Variants in DYNC2I1 observed in about 807,000 individuals in gnomAD.
DYNC2I1 encodes dynein 2 intermediate chain 1.
DYNC2I1 carries 89 observed loss-of-function variants against 133.4 expected under a neutral mutation model. The observed-to-expected ratio is 0.67, with a 90% CI of 0.56 to 0.80. DYNC2I1 has a LOEUF of 0.80. Among genes scored for constraint, DYNC2I1 ranks in the 30% least tolerant of loss-of-function variants. The pLI, the probability that DYNC2I1 is intolerant of heterozygous loss-of-function variation, is 0.00. For missense variants in DYNC2I1, 1,291 were observed against 1,314.5 expected, an observed-to-expected ratio of 0.98 and a Z score of 0.28; for synonymous variants, 504 against 484.3, an observed-to-expected ratio of 1.04 and a Z score of -0.54.
At chr7:158,936,436 C>G (rs1850761972) in intron 23 of DYNC2I1, among the ~76,000 whole-genome samples, 1 of 152,182 alleles carries the variant, frequency 6.6e-6, no homozygotes, top group South Asian at 2.1e-4. Flanking sequence ...AATGTCCCTT[C>G]CCCCTTATTT....
intron 1 of DYNC2I1, among the ~76,000 whole-genome samples, chr7:158,858,523 T>A (rs1340990061): frequency 6.6e-6 from 1 of 152,228 alleles, no homozygotes; most frequent in African/African-American, 2.4e-5. Flanking sequence ...CCCTGTTTTT[T>A]TAGTTTTGGC....
intron 8 of DYNC2I1, among the ~76,000 whole-genome samples, chr7:158,894,181 CGTAT>C (rs1845551813): frequency 5.3e-5 from 4 of 75,540 alleles, no homozygotes; most frequent in Admixed American, 4.1e-4. Context: ...TGTCACACTA[CGTAT>C]CATACTACAT....
At chr7:158,847,297 T>C in the DYNC2I1 span, among the ~76,000 whole-genome samples, 8 of 152,218 alleles carry the variant, frequency 5.3e-5, no homozygotes, top group Non-Finnish European at 1.2e-4. Context: ...CACAAGGATG[T>C]GGTTTTTGCT....
chr7:158,957,501 A>G (rs887698441), downstream of DYNC2I1, among the ~76,000 whole-genome samples: 3 of 152,258 alleles, frequency 2.0e-5, no homozygotes, highest in Admixed American at 6.5e-5. Context: ...GAAAGTGGGT[A>G]GCAGCTGGAG....
chr7:158,920,159 G>T (rs1848895785), intron 15 of DYNC2I1, among the ~76,000 whole-genome samples: 1 of 151,706 alleles, frequency 6.6e-6, no homozygotes, highest in African/African-American at 2.4e-5. Context: ...AACATGTGAA[G>T]TGTGTGTGTG....
downstream of DYNC2I1, among the ~76,000 whole-genome samples, chr7:158,956,938 G>T (rs1356163725): frequency 3.3e-5 from 5 of 152,170 alleles, no homozygotes; most frequent in Non-Finnish European, 7.3e-5. Context: ...CACGGGCAGG[G>T]CTCCCGTGAG....
chr7:158,934,288 G>A lies in DYNC2I1; in HGVS notation c.2646+60G>A, dbSNP rs1049071314. On this transcript the variant is annotated intron_variant, in intron 22 of 24. Coordinates refer to ENST00000407559, the MANE Select transcript of DYNC2I1 (RefSeq NM_018051.5). ...TTCTCCTTGTTTTCCTGACTTACCT[G>A]ATAAATATCTTGATTTAGGATTAAC... 3.9e-6 allele frequency: 6 copies of A among 1,552,002 alleles called. No homozygotes were observed. The African/African-American group carries it at 5.6e-5, about 14-fold the overall frequency.
chr7:158,923,890 CAG>C (rs1849352244), intron 17 of DYNC2I1, among the ~76,000 whole-genome samples, 157 bp downstream of exon 17: 1 of 152,158 alleles, frequency 6.6e-6, no homozygotes, highest in Admixed American at 6.5e-5. Flanking sequence ...ATACAAAAAA[CAG>C]AAATCAATTC....
At chr7:158,913,783 A>G (rs1047005154) in intron 13 of DYNC2I1, among the ~76,000 whole-genome samples, 1 of 152,144 alleles carries the variant, frequency 6.6e-6, no homozygotes. Context: ...ATCTCAGCTC[A>G]CTGTAACCTC....
intron 1 of DYNC2I1, among the ~76,000 whole-genome samples, chr7:158,863,626 TGGGGGG>T (rs1244331927): frequency 1.4e-4 from 3 of 21,612 alleles, no homozygotes; most frequent in Admixed American, 6.2e-4. Flanking sequence ...CGGGTGTGTT[TGGGGGG>T]GGCGGTGAGC....
chr7:158,957,726 C>T (rs967201557), downstream of DYNC2I1, among the ~76,000 whole-genome samples: 1 of 152,166 alleles, frequency 6.6e-6, no homozygotes, highest in African/African-American at 2.4e-5. Context: ...CGAGCCTCCC[C>T]GGGGAGCAAA....
chr7:158,931,092 C>T (rs183796722), intron 21 of DYNC2I1, among the ~76,000 whole-genome samples: 16 of 152,258 alleles, frequency 1.1e-4, no homozygotes, highest in African/African-American at 3.8e-4. Flanking sequence ...CTTCAGTTCT[C>T]ATGCAACCCT....
chr7:158,881,115 G>A (rs1843958125), intron 5 of DYNC2I1, among the ~76,000 whole-genome samples: 2 of 152,244 alleles, frequency 1.3e-5, no homozygotes, highest in Admixed American at 6.5e-5. Flanking sequence ...CCGAGAAGCA[G>A]TCGTGTTAGG....
chr7:158,880,437 T>A (rs1357615943), intron 5 of DYNC2I1, among the ~76,000 whole-genome samples: 1 of 151,996 alleles, frequency 6.6e-6, no homozygotes, highest in Non-Finnish European at 1.5e-5. Context: ...CCTGGGAGGC[T>A]GAGGTAGGAG....
chr7:158,853,808 C>T (rs896810349), upstream of DYNC2I1, among the ~76,000 whole-genome samples: 1 of 152,070 alleles, frequency 6.6e-6, no homozygotes, highest in Non-Finnish European at 1.5e-5. Context: ...CATGTACCAC[C>T]ACACCCAGCT....
At chr7:158,847,049 TAAAG>T in the DYNC2I1 span, among the ~76,000 whole-genome samples, 1 of 152,228 alleles carries the variant, frequency 6.6e-6, no homozygotes, top group Non-Finnish European at 1.5e-5. Context: ...TTAATTGACT[TAAAG>T]AAAAGTTAGT....
chr7:158,871,077 G>T, intron 2 of DYNC2I1, 65 bp from the exon 3 acceptor site: 2 of 1,517,408 alleles, frequency 1.3e-6, no homozygotes, highest in African/African-American at 2.8e-5. Flanking sequence ...TCACATTCAG[G>T]TATTAAAAGT....
chr7:158,916,229 C>T (rs372483972), intron 14 of DYNC2I1, among the ~76,000 whole-genome samples: 1 of 44,436 alleles, frequency 2.3e-5, no homozygotes, highest in Admixed American at 2.6e-4. Flanking sequence ...CGCTGGTTGA[C>T]ATTAAGGATG....
chr7:158,942,196 G>C lies in DYNC2I1; in HGVS notation c.3002+48G>C, dbSNP rs1432059786. 3 of 1,408,720 alleles carry C rather than the reference G, an allele frequency of 2.1e-6. No individual in the cohort carries two copies. The African/African-American group carries it at 4.3e-5, about 20-fold the overall frequency. 87.3% of individuals were successfully genotyped at this position (1,408,720 alleles called of 1,614,324 possible). Reference sequence around the variant, plus strand: ...AGCTGCTGGTTGTGGGGGGGCTTCGGCCACGGGTGCCACTTACGGTCTTTC... The same window carrying C: ...AGCTGCTGGTTGTGGGGGGGCTTCGCCCACGGGTGCCACTTACGGTCTTTC... On this transcript the variant is annotated intron_variant, in intron 24 of 24. Coordinates refer to ENST00000407559, the MANE Select transcript of DYNC2I1 (RefSeq NM_018051.5).
Sources: gnomAD v4.1 joint callset for allele counts (sites outside exome capture counted in the v4.1 genomes callset) on GRCh38, gnomAD v4.1.1 for gene constraint, MANE v1.5 for transcripts, NCBI Gene and HGNC (gene_info 2026-07-23, HGNC 2026-07-21) for gene names.